ERVV-1: variants seen among roughly 807,000 people sequenced by gnomAD.
The protein encoded by ERVV-1 is endogenous retrovirus group V member 1, envelope.
For synonymous variants in ERVV-1, 59 were observed against 170.2 expected (o/e 0.35, Z 5.09); for missense variants, 150 against 456.5 (o/e 0.33, Z 6.12).
Position 53,015,558 on chromosome 19 carries a change from G to T in ERVV-1, c.*34G>T. 1.6e-6 allele frequency: 1 copy of T among 616,098 alleles called. No homozygotes were observed. 38.2% of individuals were successfully genotyped at this position (616,098 alleles called of 1,614,324 possible). On this transcript the variant is annotated 3_prime_UTR_variant, in exon 1 of 1. Transcript: ENST00000602168. ...TTAAATATGTCTCTTCCAGGATATG[G>T]CAATTTCACACAGAGCCCCTAAAAA... is the stretch of plus-strand genomic sequence containing the variant.
rs968130308 is a variant in ERVV-1 at position 53,015,851 on chromosome 19, C to A, written c.*327C>A. On this transcript the variant is annotated 3_prime_UTR_variant, in exon 1 of 1. Coordinates refer to ENST00000602168, the MANE Select transcript of ERVV-1 (RefSeq NM_152473.3). ...GGGTAGGCAGGTAGCCAGACAAGAGCAGGCAAGGAAGCCCCTGGGAAAGGA... is the reference window on the plus strand; with the variant it reads ...GGGTAGGCAGGTAGCCAGACAAGAGAAGGCAAGGAAGCCCCTGGGAAAGGA... 4.3e-6 allele frequency: 1 copy of A among 234,412 alleles called. No individual in the cohort carries two copies. The highest frequency in any genetic ancestry group is 2.3e-5 in the African/African-American group (1 of 43,760). 14.5% of individuals were successfully genotyped at this position (234,412 alleles called of 1,614,324 possible).
rs2083785173 is a variant in ERVV-1, at chr19:53,015,666, C to G, written c.*142C>G. ...CCTTGGATGCCAGTGGGCAAAGATT[C>G]TGCAACTACGGAGGGGCTCCTTCCC... On this transcript the variant is annotated 3_prime_UTR_variant, in exon 1 of 1. Transcript: ENST00000602168. 3 of 574,380 alleles carry G rather than the reference C, an allele frequency of 5.2e-6. No individual in the cohort carries two copies. The highest frequency in any genetic ancestry group is 2.9e-5 in the East Asian group (1 of 34,436). The allele number at this position is 574,380 out of a possible 1,614,324, so 35.6% of individuals were successfully genotyped here.
Position 53,015,735 on chromosome 19 carries a change from C to G in ERVV-1, c.*211C>G. ...GGAGACCCTGATGACTTCTTCGTCC[C>G]ACGTCAGCAGGAAGTAGTTACAGAA... On this transcript the variant is annotated 3_prime_UTR_variant, in exon 1 of 1. Coordinates refer to ENST00000602168, the MANE Select transcript of ERVV-1 (RefSeq NM_152473.3). 1 of 504,106 alleles carries G rather than the reference C, an allele frequency of 2.0e-6. No homozygotes were observed. The allele number at this position is 504,106 out of a possible 1,614,324, so 31.2% of individuals were successfully genotyped here. A position where few individuals can be genotyped will look rare whatever the true frequency, so the allele number is the denominator to read the frequency against.
In ERVV-1 at chr19:53,015,235, T is replaced by C. The variant is rs2083782577; in HGVS notation, c.1145T>C (p.Met382Thr). The C allele has an allele frequency of 2.5e-6, 2 of 785,948 alleles. No homozygotes were observed. Among genetic ancestry groups the C allele is most frequent in the Non-Finnish European group, 4.3e-6 (2 of 462,358 alleles). 48.7% of individuals were successfully genotyped at this position (785,948 alleles called of 1,614,324 possible). Residue 382 changes from methionine (M) to threonine (T), a missense_variant, in exon 1 of 1, where the codon ATG becomes ACG. Transcript: ENST00000602168. ...ASIDSLANVV[M>T]NNRLALDYLL... Reference sequence around the variant, plus strand: ...ATAGATTCTCTAGCAAATGTAGTCATGAACAACAGATTGGCCTTAGATTAC... The same window carrying C: ...ATAGATTCTCTAGCAAATGTAGTCACGAACAACAGATTGGCCTTAGATTAC...
chr19:53,015,716 C>A lies in ERVV-1; in HGVS notation c.*192C>A. The A allele has an allele frequency of 1.9e-6, 1 of 528,852 alleles. No individual in the cohort carries two copies. Among genetic ancestry groups the A allele is most frequent in the Admixed American group, 3.5e-5 (1 of 28,232 alleles). 32.8% of individuals were successfully genotyped at this position (528,852 alleles called of 1,614,324 possible). Reference sequence around the variant, plus strand: ...CTGACAGAGAGCAAGAGAGGGAGACCCTGATGACTTCTTCGTCCCACGTCA... The same window carrying A: ...CTGACAGAGAGCAAGAGAGGGAGACACTGATGACTTCTTCGTCCCACGTCA... On this transcript the variant is annotated 3_prime_UTR_variant, in exon 1 of 1. Coordinates refer to ENST00000602168, the MANE Select transcript of ERVV-1 (RefSeq NM_152473.3).
chr19:53,015,081 G>A lies in ERVV-1; in HGVS notation c.991G>A (p.Ala331Thr). The part of the protein sequence containing the change: ...ALGLILAGMG[A>T]AIGMIAPWGG... ...GGGTCTAATACTGGCAGGGATGGGTGCGGCCATAGGAATGATCGCCCCATG... is the reference window on the plus strand; with the variant it reads ...GGGTCTAATACTGGCAGGGATGGGTACGGCCATAGGAATGATCGCCCCATG... The change falls in exon 1 of 1, where the codon GCG (alanine) becomes ACG (threonine). Residue 331 changes from alanine to threonine, a missense_variant. Ala to Thr is a moderately conservative substitution (Grantham distance 58). Transcript: ENST00000602168. 8.0e-7 allele frequency: 1 copy of A among 1,253,226 alleles called. No homozygotes were observed. The highest frequency in any genetic ancestry group is 1.3e-5 in the South Asian group (1 of 77,940). 77.6% of individuals were successfully genotyped at this position (1,253,226 alleles called of 1,614,324 possible).
In ERVV-1 at chr19:53,014,703, A is replaced by G. The variant is rs2083779526; in HGVS notation, c.613A>G (p.Thr205Ala). The change falls in exon 1 of 1, where the codon ACT becomes GCT. Residue 205 changes from threonine (T) to alanine (A), a missense_variant. Coordinates refer to ENST00000602168, the MANE Select transcript of ERVV-1 (RefSeq NM_152473.3). ...TCTATATTTGCTTCCCAAGGCACACACTGTCCCCACATGGCCAAAATCTAC... is the reference window on the plus strand; with the variant it reads ...TCTATATTTGCTTCCCAAGGCACACGCTGTCCCCACATGGCCAAAATCTAC... The part of the protein sequence containing the change: ...RVLYLLPKAH[T>A]VPTWPKSTVP... 1 of 1,531,086 alleles carries G rather than the reference A, an allele frequency of 6.5e-7. No individual in the cohort carries two copies. The highest frequency in any genetic ancestry group is 1.5e-5 in the African/African-American group (1 of 68,608). 94.8% of individuals were successfully genotyped at this position (1,531,086 alleles called of 1,614,324 possible).
At chr19:53,015,088 TAGGA>T in the ERVV-1 span, 1 of 1,188,790 alleles carries the variant, frequency 8.4e-7, no homozygotes, top group Non-Finnish European at 1.2e-6. Context: ...GGTGCGGCCA[TAGGA>T]ATGATCGCCC....
At position 53,015,619 on chromosome 19, in the gene ERVV-1, A is replaced by G; in HGVS notation, c.*95A>G. 1.6e-6 allele frequency: 1 copy of G among 606,462 alleles called. No homozygotes were observed. The highest frequency in any genetic ancestry group is 2.8e-5 in the East Asian group (1 of 36,324). 37.6% of individuals were successfully genotyped at this position (606,462 alleles called of 1,614,324 possible). ...TCATCCAATCTTCCTTGGAGGTCCC[A>G]GCACCTACAAGTACATATCTCCCTT... On this transcript the variant is annotated 3_prime_UTR_variant, in exon 1 of 1. Coordinates refer to ENST00000602168, the MANE Select transcript of ERVV-1 (RefSeq NM_152473.3).
chr19:53,015,774 C>T lies in ERVV-1; in HGVS notation c.*250C>T, dbSNP rs991990028. 2.4e-6 allele frequency: 1 copy of T among 423,640 alleles called. No individual in the cohort carries two copies. The highest frequency in any genetic ancestry group is 4.0e-5 in the Admixed American group (1 of 25,008). 26.2% of individuals were successfully genotyped at this position (423,640 alleles called of 1,614,324 possible). A position where few individuals can be genotyped will look rare whatever the true frequency, so the allele number is the denominator to read the frequency against. On this transcript the variant is annotated 3_prime_UTR_variant, in exon 1 of 1. Coordinates refer to ENST00000602168, the MANE Select transcript of ERVV-1 (RefSeq NM_152473.3). Reference sequence around the variant, plus strand: ...GTAGTTACAGAAGACCCACGACGTCCTTATGCCCAAAGCTTTTCAGGGTCT... The same window carrying T: ...GTAGTTACAGAAGACCCACGACGTCTTTATGCCCAAAGCTTTTCAGGGTCT...
At position 53,015,730 on chromosome 19, in the gene ERVV-1, C is replaced by T. The variant is rs1038116757; in HGVS notation, c.*206C>T. 24 of 507,748 alleles carry T rather than the reference C, an allele frequency of 4.7e-5. No homozygotes were observed. The highest frequency in any genetic ancestry group is 3.0e-4 in the African/African-American group (15 of 50,600). The allele number at this position is 507,748 out of a possible 1,614,324, so 31.5% of individuals were successfully genotyped here. A position where few individuals can be genotyped will look rare whatever the true frequency, so the allele number is the denominator to read the frequency against. Reference sequence around the variant, plus strand: ...GAGAGGGAGACCCTGATGACTTCTTCGTCCCACGTCAGCAGGAAGTAGTTA... The same window carrying T: ...GAGAGGGAGACCCTGATGACTTCTTTGTCCCACGTCAGCAGGAAGTAGTTA... On this transcript the variant is annotated 3_prime_UTR_variant, in exon 1 of 1. Coordinates refer to ENST00000602168, the MANE Select transcript of ERVV-1 (RefSeq NM_152473.3).
chr19:53,013,959 C>G lies in ERVV-1; in HGVS notation c.-132C>G. ...GTTCTTCTCCTTATTTTGACCCACA[C>G]TGGCATGCCACCTGAAGTCCCGATA... is the stretch of plus-strand genomic sequence containing the variant. On this transcript the variant is annotated 5_prime_UTR_variant, in exon 1 of 1. Coordinates refer to ENST00000602168, the MANE Select transcript of ERVV-1 (RefSeq NM_152473.3). The G allele has an allele frequency of 7.1e-7, 1 of 1,406,414 alleles. No homozygotes were observed. Among genetic ancestry groups the G allele is most frequent in the Non-Finnish European group, 9.6e-7 (1 of 1,040,202 alleles). 87.1% of individuals were successfully genotyped at this position (1,406,414 alleles called of 1,614,324 possible). A position where few individuals can be genotyped will look rare whatever the true frequency, so the allele number is the denominator to read the frequency against.
In ERVV-1 at chr19:53,015,647, A is replaced by G; in HGVS notation, c.*123A>G. On this transcript the variant is annotated 3_prime_UTR_variant, in exon 1 of 1. Coordinates refer to ENST00000602168, the MANE Select transcript of ERVV-1 (RefSeq NM_152473.3). ...ACCTACAAGTACATATCTCCCTTGG[A>G]TGCCAGTGGGCAAAGATTCTGCAAC... 5.2e-6 allele frequency: 3 copies of G among 581,656 alleles called. No homozygotes were observed. The highest frequency in any genetic ancestry group is 9.1e-6 in the Non-Finnish European group (3 of 330,494). The allele number at this position is 581,656 out of a possible 1,614,324, so 36.0% of individuals were successfully genotyped here.
Position 53,015,518 on chromosome 19 carries a change from T to G in ERVV-1, c.1428T>G (p.Ser476=). Reference sequence around the variant, plus strand: ...TGCTTTCTCCTCTTTGGCCCTTGTCTCTATAATTCACTAATTAAATATGTC... The same window carrying G: ...TGCTTTCTCCTCTTTGGCCCTTGTCGCTATAATTCACTAATTAAATATGTC... ...NSLLSPLWPL[S]L The change falls in exon 1 of 1, where the codon TCT becomes TCG. Residue 476 remains serine, a synonymous_variant. Transcript: ENST00000602168. 1 of 640,332 alleles carries G rather than the reference T, an allele frequency of 1.6e-6. No homozygotes were observed. The highest frequency in any genetic ancestry group is 2.8e-6 in the Non-Finnish European group (1 of 358,404). The allele number at this position is 640,332 out of a possible 1,614,324, so 39.7% of individuals were successfully genotyped here. A position where few individuals can be genotyped will look rare whatever the true frequency, so the allele number is the denominator to read the frequency against.
In ERVV-1 at chr19:53,015,994, C is replaced by T. The variant is rs552232157; in HGVS notation, c.*470C>T. On this transcript the variant is annotated 3_prime_UTR_variant, in exon 1 of 1. Coordinates refer to ENST00000602168, the MANE Select transcript of ERVV-1 (RefSeq NM_152473.3). ...GCCTTGTGGCTGCATTCCTCTGTTCCAGAAGGGAACTTATCAAGGCCCAGC... is the reference window on the plus strand; with the variant it reads ...GCCTTGTGGCTGCATTCCTCTGTTCTAGAAGGGAACTTATCAAGGCCCAGC... 1 of 158,320 alleles carries T rather than the reference C, an allele frequency of 6.3e-6. No homozygotes were observed. Among genetic ancestry groups the T allele is most frequent in the Admixed American group, 6.4e-5 (1 of 15,650 alleles). The allele number at this position is 158,320 out of a possible 1,614,324, so 9.8% of individuals were successfully genotyped here. A position where few individuals can be genotyped will look rare whatever the true frequency, so the allele number is the denominator to read the frequency against.
chr19:53,015,530 T>C lies in ERVV-1; in HGVS notation c.*6T>C, dbSNP rs775758077. Reference sequence around the variant, plus strand: ...TTTGGCCCTTGTCTCTATAATTCACTAATTAAATATGTCTCTTCCAGGATA... The same window carrying C: ...TTTGGCCCTTGTCTCTATAATTCACCAATTAAATATGTCTCTTCCAGGATA... On this transcript the variant is annotated 3_prime_UTR_variant, in exon 1 of 1. Coordinates refer to ENST00000602168, the MANE Select transcript of ERVV-1 (RefSeq NM_152473.3). 81 of 630,020 alleles carry C rather than the reference T, an allele frequency of 1.3e-4. No individual in the cohort carries two copies. In the African/African-American group the frequency reaches 1.4e-3, roughly 11 times the overall value. 39.0% of individuals were successfully genotyped at this position (630,020 alleles called of 1,614,324 possible).
Position 53,015,321 on chromosome 19 carries a change from A to C in ERVV-1, c.1231A>C (p.Asn411His), listed in dbSNP as rs1176422766. The C allele has an allele frequency of 4.2e-6, 3 of 706,660 alleles. No individual in the cohort carries two copies. The highest frequency in any genetic ancestry group is 4.0e-5 in the Admixed American group (2 of 50,022). The allele number at this position is 706,660 out of a possible 1,614,324, so 43.8% of individuals were successfully genotyped here. The change falls in exon 1 of 1, where the codon AAT becomes CAT. Residue 411 changes from asparagine to histidine, a missense_variant. Transcript: ENST00000602168. ...VISKSCCIYV[N>H]NSGAIEEDIK... ...CAGTAAATCCTGTTGCATTTATGTC[A>C]ATAACAGTGGGGCGATAGAGGAGGA...
rs1341393185 is a variant in ERVV-1 at position 53,015,679 on chromosome 19, G to A, written c.*155G>A. On this transcript the variant is annotated 3_prime_UTR_variant, in exon 1 of 1. Coordinates refer to ENST00000602168, the MANE Select transcript of ERVV-1 (RefSeq NM_152473.3). Reference sequence around the variant, plus strand: ...TGGGCAAAGATTCTGCAACTACGGAGGGGCTCCTTCCCTGACAGAGAGCAA... The same window carrying A: ...TGGGCAAAGATTCTGCAACTACGGAAGGGCTCCTTCCCTGACAGAGAGCAA... 5 of 572,000 alleles carry A rather than the reference G, an allele frequency of 8.7e-6. No homozygotes were observed. The African/African-American group carries it at 9.5e-5, about 11-fold the overall frequency. 35.4% of individuals were successfully genotyped at this position (572,000 alleles called of 1,614,324 possible).
rs1232727935 is a variant in ERVV-1 at position 53,015,950 on chromosome 19, G to A, written c.*426G>A. ...CTGAGTCAGCAAAAGGAGGAGCGTG[G>A]CTACACTGGCTACACCTGGCCTTGT... On this transcript the variant is annotated 3_prime_UTR_variant, in exon 1 of 1. Transcript: ENST00000602168. The A allele has an allele frequency of 6.0e-6, 1 of 167,266 alleles. No homozygotes were observed. The highest frequency in any genetic ancestry group is 1.3e-5 in the Non-Finnish European group (1 of 79,208). The allele number at this position is 167,266 out of a possible 1,614,324, so 10.4% of individuals were successfully genotyped here. A position where few individuals can be genotyped will look rare whatever the true frequency, so the allele number is the denominator to read the frequency against.
Sources: gnomAD v4.1 joint callset for allele counts on GRCh38, gnomAD v4.1.1 for gene constraint, MANE v1.5 for transcripts, NCBI Gene and HGNC (gene_info 2026-07-23, HGNC 2026-07-21) for gene names.